The following RFX3 variants were observed in gnomAD, a reference collection of about 807,000 sequenced individuals.
RFX3 encodes regulatory factor X3.
In RFX3, 14 loss-of-function variants were observed where a neutral mutation model predicts 98.6. The ratio of observed to expected loss-of-function variants is 0.14; its 90% CI spans 0.09 to 0.22. The LOEUF (loss-of-function observed/expected upper bound fraction) is 0.22, where lower values mean the gene tolerates loss of function less well. Ranked by LOEUF, RFX3 falls within the 10% of genes least tolerant of loss-of-function variation. The pLI is 1.00. For missense variants in RFX3, 639 were observed against 926.9 expected (o/e 0.69, Z 4.03); for synonymous variants, 383 against 328.4 (o/e 1.17, Z -1.80).
intron 15 of RFX3, among the ~76,000 whole-genome samples, chr9:3,245,910 G>C (rs948648757): frequency 2.0e-5 from 3 of 152,172 alleles, no homozygotes; most frequent in Admixed American, 6.5e-5. Context: ...AAGGGACCAA[G>C]AGAAGGTAGG....
At chr9:3,314,609 T>C (rs1322964377) in intron 4 of RFX3, among the ~76,000 whole-genome samples, 1 of 152,124 alleles carries the variant, frequency 6.6e-6, no homozygotes, top group Admixed American at 6.5e-5. Flanking sequence ...CCCATCAGCG[T>C]GCTGTATTCA....
At chr9:3,238,273 A>G (rs1220881415) in intron 15 of RFX3, among the ~76,000 whole-genome samples, 1 of 152,182 alleles carries the variant, frequency 6.6e-6, no homozygotes, top group Non-Finnish European at 1.5e-5. Context: ...GGAAGGGTAA[A>G]GTGGGCTTTG....
chr9:3,298,296 T>C (rs1365866429), intron 5 of RFX3, among the ~76,000 whole-genome samples: 1 of 151,814 alleles, frequency 6.6e-6, no homozygotes, highest in Non-Finnish European at 1.5e-5. Context: ...CATACATTCT[T>C]TACTCAGATG....
chr9:3,437,187 G>A (rs1475538747), intron 1 of RFX3, among the ~76,000 whole-genome samples: 2 of 151,986 alleles, frequency 1.3e-5, no homozygotes, highest in Non-Finnish European at 2.9e-5. Context: ...TCTGCAAAGG[G>A]CTCCTGCTTG....
At chr9:3,337,968 G>A (rs553086839) in intron 3 of RFX3, among the ~76,000 whole-genome samples, 4 of 152,188 alleles carry the variant, frequency 2.6e-5, no homozygotes, top group South Asian at 2.1e-4. Context: ...TGCCTGGACC[G>A]CATGCACTAC....
At chr9:3,450,538 G>A (rs562563501) in intron 1 of RFX3, among the ~76,000 whole-genome samples, 1 of 152,118 alleles carries the variant, frequency 6.6e-6, no homozygotes, top group Admixed American at 6.5e-5. Flanking sequence ...ATGTCTGAAG[G>A]TGGAAGAAAG....
chr9:3,433,301 T>G (rs1426406539), intron 1 of RFX3, among the ~76,000 whole-genome samples: 1 of 152,134 alleles, frequency 6.6e-6, no homozygotes, highest in Non-Finnish European at 1.5e-5. Context: ...CAACCCCTAC[T>G]CTTCCTCCTT....
intron 15 of RFX3, among the ~76,000 whole-genome samples, chr9:3,229,859 C>G (rs994812101): frequency 2.0e-5 from 3 of 152,070 alleles, no homozygotes; most frequent in African/African-American, 7.2e-5. Flanking sequence ...CAAGGTTTGT[C>G]TATAAAGTAA....
chr9:3,274,837 G>GAT (rs113549461), intron 9 of RFX3, among the ~76,000 whole-genome samples: 5,842 of 150,684 alleles, frequency 0.039, 341 homozygotes, highest in African/African-American at 0.13. Flanking sequence ...TCTCCTTCTG[G>GAT]ATATATATAT....
chr9:3,426,628 C>T (rs1292466990), intron 1 of RFX3, among the ~76,000 whole-genome samples: 2 of 152,120 alleles, frequency 1.3e-5, no homozygotes, highest in African/African-American at 2.4e-5. Context: ...GTCAGAGCAG[C>T]GGCAGCATTC....
intron 1 of RFX3, among the ~76,000 whole-genome samples, chr9:3,498,246 G>A (rs541615881): frequency 2.0e-4 from 31 of 152,104 alleles, no homozygotes; most frequent in African/African-American, 7.5e-4. Context: ...CGCTGTAAAG[G>A]ATTATATATT....
intron 14 of RFX3, among the ~76,000 whole-genome samples, chr9:3,250,709 G>A (rs1322484786): frequency 6.6e-6 from 1 of 151,960 alleles, no homozygotes; most frequent in Admixed American, 6.6e-5. Context: ...CTAGTAGGAT[G>A]CTGATTAAAC....
chr9:3,229,614 A>T (rs973406410), intron 15 of RFX3, among the ~76,000 whole-genome samples: 2 of 152,242 alleles, frequency 1.3e-5, no homozygotes, highest in Admixed American at 6.5e-5. Flanking sequence ...GGGTGAACAA[A>T]GATGGATACA....
In RFX3 at chr9:3,292,922, T is replaced by A. The variant is rs117265399; in HGVS notation, c.731+155A>T. On this transcript the variant is annotated intron_variant, in intron 6 of 16. Transcript: ENST00000617270. ...CTTGGAAAGAAGTCACTGAATAATG[T>A]CCTTTCCTTTTCCTGGGGATGTTAT... 2.0e-4 allele frequency among the ~76,000 whole-genome samples: 30 copies of A among 152,308 alleles called. No individual in the cohort carries two copies. The highest frequency in any genetic ancestry group is 2.9e-4 in the Non-Finnish European group (20 of 68,018).
At chr9:3,292,977 T>C in intron 6 of RFX3, 100 bp downstream of exon 6, 2 of 912,658 alleles carry the variant, frequency 2.2e-6, no homozygotes, top group Non-Finnish European at 3.3e-6. Context: ...TATTTCCTTA[T>C]ATATTGTCTG....
chr9:3,523,784 G>A (rs1353971238), intron 1 of RFX3, among the ~76,000 whole-genome samples: 1 of 152,052 alleles, frequency 6.6e-6, no homozygotes, highest in Non-Finnish European at 1.5e-5. Flanking sequence ...AAAAATACAA[G>A]TTAGTATTAG....
chr9:3,485,943 G>A (rs1283656062), intron 1 of RFX3, among the ~76,000 whole-genome samples: 1 of 151,712 alleles, frequency 6.6e-6, no homozygotes, highest in Non-Finnish European at 1.5e-5. Context: ...TGACCAACGT[G>A]GAGAAACCCT....
At chr9:3,395,715 C>G in intron 1 of RFX3, 119 bp from the exon 2 acceptor site, 1 of 980,850 alleles carries the variant, frequency 1.0e-6, no homozygotes, top group Non-Finnish European at 1.5e-6. Flanking sequence ...ACCTCTTATC[C>G]CAACATACTA....
chr9:3,264,157 T>C (rs1203644184), intron 12 of RFX3, among the ~76,000 whole-genome samples: 2 of 152,166 alleles, frequency 1.3e-5, no homozygotes, highest in Admixed American at 6.6e-5. Context: ...TTGTTGCCTG[T>C]TCAGACCCTG....
Sources: gnomAD v4.1 joint callset for allele counts (sites outside exome capture counted in the v4.1 genomes callset) on GRCh38, gnomAD v4.1.1 for gene constraint, MANE v1.5 for transcripts, NCBI Gene and HGNC (gene_info 2026-07-23, HGNC 2026-07-21) for gene names.